Variants in EDARADD observed in about 807,000 individuals in gnomAD.
EDARADD encodes EDAR associated via death domain, also known as ectodysplasin-A receptor-associated adapter protein.
A neutral mutation model predicts 25.6 loss-of-function variants in EDARADD; 20 were observed. The ratio of observed to expected loss-of-function variants is 0.78; its 90% CI spans 0.55 to 1.14. The LOEUF (loss-of-function observed/expected upper bound fraction) is 1.14. EDARADD is among the 50% of genes most tolerant of loss of function. The pLI is 0.00. For missense variants in EDARADD, 225 were observed against 270.1 expected, an observed-to-expected ratio of 0.83 and a Z score of 1.17; for synonymous variants, 86 against 94.4, an observed-to-expected ratio of 0.91 and a Z score of 0.52.
chr1:236,474,455 G>A (rs914098215), intron 5 of EDARADD, among the ~76,000 whole-genome samples: 2 of 152,220 alleles, frequency 1.3e-5, no homozygotes, highest in Middle Eastern at 3.4e-3. Flanking sequence ...AAATATACAG[G>A]TCAAGCATCA....
chr1:236,459,611 C>CCTTTTTTTTTTTTTTTTTTT (rs776064017), intron 4 of EDARADD, among the ~76,000 whole-genome samples: 2 of 100,462 alleles, frequency 2.0e-5, no homozygotes, highest in Non-Finnish European at 2.0e-5. Flanking sequence ...TTATTTAGCT[C>CCTTTTTTTTTTTTTTTTTTT]TTTTTTTTTT....
At chr1:236,352,854 A>C (rs1263698604) in intron 3 of EDARADD, among the ~76,000 whole-genome samples, 2 of 152,056 alleles carry the variant, frequency 1.3e-5, no homozygotes, top group African/African-American at 4.8e-5. Flanking sequence ...TCTCATAAAT[A>C]AATAAATAAG....
At chr1:236,412,954 C>T (rs890617743) in intron 2 of EDARADD, among the ~76,000 whole-genome samples, 2 of 152,200 alleles carry the variant, frequency 1.3e-5, no homozygotes, top group African/African-American at 4.8e-5. Context: ...CTGCAACCTC[C>T]GCCTCCTGGG....
At chr1:236,370,294 G>A (rs1265834911) in intron 3 of EDARADD, among the ~76,000 whole-genome samples, 1 of 152,092 alleles carries the variant, frequency 6.6e-6, no homozygotes, top group Non-Finnish European at 1.5e-5. Context: ...GGTGGTGTGT[G>A]CCTGTAGTCC....
chr1:236,445,857 C>A (rs762807898), intron 4 of EDARADD, among the ~76,000 whole-genome samples: 1 of 152,132 alleles, frequency 6.6e-6, no homozygotes, highest in African/African-American at 2.4e-5. Flanking sequence ...GGTTTTCTGT[C>A]TTCAGGCTCC....
intron 3 of EDARADD, among the ~76,000 whole-genome samples, chr1:236,420,882 C>T (rs1391449699): frequency 1.4e-5 from 2 of 147,000 alleles, no homozygotes; most frequent in Non-Finnish European, 3.0e-5. Context: ...TACAGGCACC[C>T]GCCACCACAC....
chr1:236,371,353 A>G (rs12027455), intron 3 of EDARADD, among the ~76,000 whole-genome samples: 21,862 of 152,150 alleles, frequency 0.14, 2,077 homozygotes, highest in East Asian at 0.43. Context: ...CAGATTTTCT[A>G]CATAGACCAT....
At chr1:236,356,337 C>T (rs1158383872) in intron 3 of EDARADD, among the ~76,000 whole-genome samples, 1 of 152,146 alleles carries the variant, frequency 6.6e-6, no homozygotes, top group Non-Finnish European at 1.5e-5. Context: ...AGCCTCCTAT[C>T]AGAGGAGATG....
chr1:236,438,293 G>C (rs988172135), intron 4 of EDARADD, among the ~76,000 whole-genome samples: 19 of 152,234 alleles, frequency 1.2e-4, no homozygotes, highest in Admixed American at 1.1e-3. Flanking sequence ...ATTGTGTGGA[G>C]ACACAGGTCA....
intron 1 of EDARADD, chr1:236,348,290 G>GC (rs1473398921): frequency 6.6e-5 from 10 of 152,406 alleles, no homozygotes; most frequent in Admixed American, 5.9e-4. Context: ...GTAAGGTAGG[G>GC]CCCTACAGAC....
At chr1:236,396,091 C>A (rs1434227710) in intron 1 of EDARADD, among the ~76,000 whole-genome samples, 1 of 152,196 alleles carries the variant, frequency 6.6e-6, no homozygotes, top group Non-Finnish European at 1.5e-5. Context: ...TTCCTCTCTC[C>A]CATTGCACTT....
chr1:236,374,941 T>C (rs898073096), intron 3 of EDARADD, among the ~76,000 whole-genome samples: 1 of 147,212 alleles, frequency 6.8e-6, no homozygotes, highest in Non-Finnish European at 1.5e-5. Context: ...TTTGTTACTG[T>C]TTTCTATTCA....
At position 236,395,563 on chromosome 1, in the gene EDARADD, C is replaced by T. The variant is rs1306201832; in HGVS notation, c.61+1058C>T. Reference sequence around the variant, plus strand: ...AGGACTTTTCATCCCCGTGGTCCCACGGTCCTCCCGCGCCCCGGAGGCCTG... The same window carrying T: ...AGGACTTTTCATCCCCGTGGTCCCATGGTCCTCCCGCGCCCCGGAGGCCTG... On this transcript the variant is annotated intron_variant, in intron 1 of 5. Transcript: ENST00000334232. The surrounding 1 kb of genome is among the most constrained non-coding windows in gnomAD (Gnocchi z 6.9). 4 of 1,542,342 alleles carry T rather than the reference C, an allele frequency of 2.6e-6. No homozygotes were observed. Among genetic ancestry groups the T allele is most frequent in the African/African-American group, 1.4e-5 (1 of 73,032 alleles).
At chr1:236,379,207 TA>T (rs1667265755) in intron 3 of EDARADD, among the ~76,000 whole-genome samples, 2 of 151,254 alleles carry the variant, frequency 1.3e-5, no homozygotes, top group South Asian at 4.2e-4. Flanking sequence ...CTGTCTCTAC[TA>T]AAAATACAAA....
Position 236,482,768 on chromosome 1 carries a change from G to A in EDARADD, c.*119G>A, listed in dbSNP as rs766538054. ...CAAGGACGTGGAACAGTGGACACTG[G>A]TTTTCCCCAAAGCTGGCAGTTTTGT... On this transcript the variant is annotated 3_prime_UTR_variant, in exon 6 of 6. Transcript: ENST00000334232. 86 of 1,493,984 alleles carry A rather than the reference G, an allele frequency of 5.8e-5. 1 individual carries two copies. Among genetic ancestry groups the A allele is most frequent in the Non-Finnish European group, 7.0e-5 (77 of 1,095,634 alleles). 92.5% of individuals were successfully genotyped at this position (1,493,984 alleles called of 1,614,324 possible).
chr1:236,405,870 C>G (rs202036971), intron 1 of EDARADD, among the ~76,000 whole-genome samples: 1 of 37,516 alleles, frequency 2.7e-5, no homozygotes, highest in African/African-American at 1.2e-4. Context: ...TCCTTCCTTC[C>G]TTCCTTCTTT....
chr1:236,458,643 T>A (rs1658948368), intron 4 of EDARADD, among the ~76,000 whole-genome samples: 1 of 105,266 alleles, frequency 9.5e-6, no homozygotes, highest in East Asian at 2.2e-4. Flanking sequence ...TTCTTTTTCT[T>A]TTTTTTTTTT....
At chr1:236,465,418 C>T (rs778616018) in intron 4 of EDARADD, among the ~76,000 whole-genome samples, 1 of 152,170 alleles carries the variant, frequency 6.6e-6, no homozygotes, top group Non-Finnish European at 1.5e-5. Flanking sequence ...ATTTCTGAAT[C>T]ATCTCCCTCT....
intron 1 of EDARADD, among the ~76,000 whole-genome samples, chr1:236,400,884 A>G (rs1052942473): frequency 6.6e-6 from 1 of 151,962 alleles, no homozygotes; most frequent in African/African-American, 2.4e-5. Flanking sequence ...ATATCCAATA[A>G]TGACAATAGC....
Sources: allele counts gnomAD v4.1 joint callset (sites outside exome capture counted in the v4.1 genomes callset), GRCh38; gene constraint gnomAD v4.1.1; non-coding constraint Gnocchi (gnomAD v3.1); transcripts MANE v1.5; gene names NCBI Gene and HGNC (gene_info 2026-07-23, HGNC 2026-07-21).